The following PRR5L variants were observed in gnomAD, a reference collection of about 807,000 sequenced individuals.
The protein encoded by PRR5L is proline rich 5 like.
PRR5L carries 21 observed loss-of-function variants against 36.4 expected under a neutral mutation model. That is an observed-to-expected ratio of 0.58 (90% CI 0.41 to 0.83). The LOEUF (loss-of-function observed/expected upper bound fraction) is 0.83. Ranked by LOEUF, PRR5L falls within the 40% of genes least tolerant of loss-of-function variation. The probability of loss-of-function intolerance (pLI) is 0.00; values close to 1 mark genes in which losing one functional copy is unlikely to be tolerated. For synonymous variants in PRR5L, 188 were observed against 197.0 expected (o/e 0.95, Z 0.38); for missense variants, 381 against 473.3 (o/e 0.80, Z 1.81).
intron 6 of PRR5L, among the ~76,000 whole-genome samples, chr11:36,444,472 C>T (rs1408725569): frequency 6.6e-6 from 1 of 152,148 alleles, no homozygotes; most frequent in Non-Finnish European, 1.5e-5. Flanking sequence ...TTAATCTTTG[C>T]CTTTAAATGT....
In PRR5L at chr11:36,303,295, G is replaced by C. The variant is rs376124661; in HGVS notation, c.-126+6857G>C. Among the ~76,000 whole-genome samples, 33 of 152,268 alleles carry C rather than the reference G, an allele frequency of 2.2e-4. No homozygotes were observed. The East Asian group carries it at 6.4e-3, about 29-fold the overall frequency. On this transcript the variant is annotated intron_variant, in intron 1 of 8. Coordinates refer to ENST00000530639, the MANE Select transcript of PRR5L (RefSeq NM_001160167.2). Reference sequence around the variant, plus strand: ...CTTGGTACTTGAACAGTTGTGTCAGGGAAGTCAAAGACAATGCCCAATCCA... The same window carrying C: ...CTTGGTACTTGAACAGTTGTGTCAGCGAAGTCAAAGACAATGCCCAATCCA...
chr11:36,353,933 A>C (rs961465002), intron 1 of PRR5L, among the ~76,000 whole-genome samples: 1 of 152,142 alleles, frequency 6.6e-6, no homozygotes, highest in Non-Finnish European at 1.5e-5. Flanking sequence ...CATTTCTAGG[A>C]CTTCAAGAGT....
intron 4 of PRR5L, among the ~76,000 whole-genome samples, chr11:36,427,339 C>T (rs550031690): frequency 2.6e-5 from 4 of 152,184 alleles, no homozygotes; most frequent in Admixed American, 2.6e-4. Context: ...TCCCAAGTTG[C>T]TTCCTGGGTG....
At chr11:36,393,010 A>T (rs1421871140) in intron 1 of PRR5L, among the ~76,000 whole-genome samples, 1 of 152,202 alleles carries the variant, frequency 6.6e-6, no homozygotes, top group Non-Finnish European at 1.5e-5. Context: ...TATTTTGGCC[A>T]TTTTAAAATC....
At chr11:36,351,560 T>C (rs1285116263) in intron 1 of PRR5L, among the ~76,000 whole-genome samples, 818 of 22,714 alleles carry the variant, frequency 0.036, 248 homozygotes, top group African/African-American at 0.12. Flanking sequence ...TATATTTATA[T>C]ATTTATATAT....
rs190135298 is a variant in PRR5L at position 36,373,200 on chromosome 11, A to C, written c.-125-27797A>C. On this transcript the variant is annotated intron_variant, in intron 1 of 8. Coordinates refer to ENST00000530639, the MANE Select transcript of PRR5L (RefSeq NM_001160167.2). ...GACTTCCATTTCAGAGGTTGTGGAC[A>C]TGGCAAGCTGTGTATATATCTAATA... 1.6e-3 allele frequency among the ~76,000 whole-genome samples: 249 copies of C among 152,298 alleles called. 2 individuals are homozygous for C. Among genetic ancestry groups the C allele is most frequent in the Admixed American group, 4.2e-3 (65 of 15,300 alleles).
intron 1 of PRR5L, among the ~76,000 whole-genome samples, chr11:36,329,517 T>A (rs1416266020): frequency 6.6e-6 from 1 of 152,228 alleles, no homozygotes; most frequent in African/African-American, 2.4e-5. Context: ...TTCCACTGCA[T>A]ATAAAATTTC....
At chr11:36,310,869 T>C (rs1162342492) in intron 1 of PRR5L, among the ~76,000 whole-genome samples, 4 of 151,760 alleles carry the variant, frequency 2.6e-5, no homozygotes, top group African/African-American at 7.3e-5. Context: ...TGGTGGCGTG[T>C]GCCTGTAATC....
chr11:36,400,906 G>C, intron 1 of PRR5L, 91 bp from the exon 2 acceptor site: 2 of 1,041,620 alleles, frequency 1.9e-6, no homozygotes, highest in Non-Finnish European at 1.3e-6. Flanking sequence ...AGTTGTTTTC[G>C]GGGTAGTTAG....
chr11:36,431,011 A>C (rs1438792118), intron 4 of PRR5L, among the ~76,000 whole-genome samples: 1 of 152,194 alleles, frequency 6.6e-6, no homozygotes, highest in Admixed American at 6.5e-5. Flanking sequence ...ATAATATGAC[A>C]TGAGTGTAAA....
At chr11:36,380,682 G>A (rs571620622) in intron 1 of PRR5L, 3 of 152,170 alleles carry the variant, frequency 2.0e-5, no homozygotes, top group South Asian at 2.1e-4. Context: ...GAATTTAAAC[G>A]GTCTATTAAA....
At chr11:36,373,112 C>T (rs1316262526) in intron 1 of PRR5L, among the ~76,000 whole-genome samples, 1 of 152,072 alleles carries the variant, frequency 6.6e-6, no homozygotes, top group African/African-American at 2.4e-5. Flanking sequence ...GGTGCCCACC[C>T]TTAGTCTTAA....
At chr11:36,389,988 T>G (rs1857534448) in intron 1 of PRR5L, among the ~76,000 whole-genome samples, 1 of 152,158 alleles carries the variant, frequency 6.6e-6, no homozygotes, top group African/African-American at 2.4e-5. Flanking sequence ...TCAGAGAATA[T>G]CTGTGGAATT....
At chr11:36,420,675 A>G (rs1222798753) in intron 4 of PRR5L, among the ~76,000 whole-genome samples, 2 of 152,180 alleles carry the variant, frequency 1.3e-5, no homozygotes, top group African/African-American at 4.8e-5. Flanking sequence ...CAAGTTAGCA[A>G]TGTTATTCTG....
chr11:36,339,036 G>A (rs1856794414), intron 1 of PRR5L, among the ~76,000 whole-genome samples: 1 of 152,174 alleles, frequency 6.6e-6, no homozygotes, highest in East Asian at 1.9e-4. Context: ...CACCATGTAA[G>A]AAGTACCTTC....
At chr11:36,346,292 T>A (rs1856864409) in intron 1 of PRR5L, among the ~76,000 whole-genome samples, 1 of 152,082 alleles carries the variant, frequency 6.6e-6, no homozygotes, top group Admixed American at 6.6e-5. Context: ...ATTTAAGAAA[T>A]AAGTGTTTAG....
chr11:36,421,336 A>G (rs142403337), intron 4 of PRR5L, among the ~76,000 whole-genome samples: 1 of 152,170 alleles, frequency 6.6e-6, no homozygotes, highest in Non-Finnish European at 1.5e-5. Flanking sequence ...GGGGGCGGTT[A>G]ATACTGCTTA....
intron 7 of PRR5L, among the ~76,000 whole-genome samples, chr11:36,449,240 C>A (rs997585911): frequency 5.3e-5 from 8 of 152,220 alleles, no homozygotes; most frequent in African/African-American, 1.9e-4. Context: ...TGCCCTGGGG[C>A]CATATCTGCT....
intron 1 of PRR5L, among the ~76,000 whole-genome samples, chr11:36,336,990 A>T (rs12421813): frequency 0.049 from 7,519 of 152,290 alleles, 209 homozygotes; most frequent in African/African-American, 0.08. Context: ...AAATAAATAA[A>T]TATCTTTACA....
Sources: allele counts gnomAD v4.1 joint callset (sites outside exome capture counted in the v4.1 genomes callset), GRCh38; gene constraint gnomAD v4.1.1; transcripts MANE v1.5; gene names NCBI Gene and HGNC (gene_info 2026-07-23, HGNC 2026-07-21).